The following GDPD4 variants were observed in gnomAD, a reference collection of about 807,000 sequenced individuals.
GDPD4 encodes the protein glycerophosphodiester phosphodiesterase 6.
In GDPD4, 60 loss-of-function variants were observed where a neutral mutation model predicts 67.8. The observed-to-expected ratio is 0.88, with a 90% CI of 0.72 to 1.10. The LOEUF (loss-of-function observed/expected upper bound fraction) is 1.10, where lower values mean the gene tolerates loss of function less well. Among genes scored for constraint, GDPD4 ranks in the 50% least tolerant of loss-of-function variants. GDPD4 has a pLI of 0.00. For missense variants in GDPD4, 623 were observed against 613.9 expected, an observed-to-expected ratio of 1.01 and a Z score of -0.16; for synonymous variants, 212 against 210.9, an observed-to-expected ratio of 1.00 and a Z score of -0.04.
chr11:77,288,876 AT>A (rs1175568407), intron 1 of GDPD4, among the ~76,000 whole-genome samples: 1 of 152,238 alleles, frequency 6.6e-6, no homozygotes, highest in East Asian at 1.9e-4. Context: ...ACTCAATGAG[AT>A]ACAAGAGAAC....
At chr11:77,283,525 A>G (rs1460178992) in intron 3 of GDPD4, among the ~76,000 whole-genome samples, 1 of 152,058 alleles carries the variant, frequency 6.6e-6, no homozygotes, top group African/African-American at 2.4e-5. Flanking sequence ...ATATAAATAA[A>G]TAAATTATAC....
chr11:77,300,135 T>C (rs547290047), intron 1 of GDPD4, among the ~76,000 whole-genome samples: 1 of 145,140 alleles, frequency 6.9e-6, no homozygotes, highest in African/African-American at 2.9e-5. Flanking sequence ...TCATTCTGAT[T>C]ACCAGCTCTG....
In GDPD4 at chr11:77,235,011, T is replaced by TTTTTG. The variant is rs1211586618; in HGVS notation, c.1242-1840_1242-1839insCAAAA. Among the ~76,000 whole-genome samples, 87 of 38,160 alleles carry TTTTTG rather than the reference T, an allele frequency of 2.3e-3. 1 individual carries two copies. Among genetic ancestry groups the TTTTTG allele is most frequent in the African/African-American group, 0.011 (78 of 7,280 alleles). 25.0% of individuals were successfully genotyped at this position (38,160 alleles called of 152,430 possible). On this transcript the variant is annotated intron_variant, in intron 13 of 16. Coordinates refer to ENST00000315938, the MANE Select transcript of GDPD4 (RefSeq NM_182833.3). ...TCTCTGCAACCTTGTCAATATCTGT[T>TTTTTG]TTTTTTTTTTTTTTTTTTTTTTTTT...
At chr11:77,270,470 C>T (rs1377641652) in intron 7 of GDPD4, among the ~76,000 whole-genome samples, 1 of 152,206 alleles carries the variant, frequency 6.6e-6, no homozygotes, top group East Asian at 1.9e-4. Context: ...GTAATCCCAG[C>T]ACTTTGGGAG....
intron 13 of GDPD4, among the ~76,000 whole-genome samples, chr11:77,234,944 A>G (rs1263927658): frequency 6.6e-6 from 1 of 150,598 alleles, no homozygotes. Flanking sequence ...CAGGGGCTGA[A>G]CTAATTTACA....
chr11:77,284,500 C>T (rs1171639970), intron 3 of GDPD4, among the ~76,000 whole-genome samples: 3 of 152,104 alleles, frequency 2.0e-5, no homozygotes, highest in South Asian at 2.1e-4. Flanking sequence ...GCCCCATATC[C>T]GAACAGATCC....
chr11:77,218,184 A>ATAAC (rs1958161406), intron 16 of GDPD4, among the ~76,000 whole-genome samples: 1 of 151,630 alleles, frequency 6.6e-6, no homozygotes, highest in African/African-American at 2.4e-5. Context: ...CAATATCTTT[A>ATAAC]TAACTTTTCT....
At chr11:77,238,632 A>G in intron 13 of GDPD4, among the ~76,000 whole-genome samples, 2 of 152,156 alleles carry the variant, frequency 1.3e-5, no homozygotes, top group Middle Eastern at 3.4e-3. Flanking sequence ...CCTCAATACA[A>G]TTTTTTATTT....
rs1958152383 is a variant in GDPD4 at position 77,217,772 on chromosome 11, G to GTAGA, written c.1526-462_1526-459dup. Among the ~76,000 whole-genome samples, 8 of 152,262 alleles carry GTAGA rather than the reference G, an allele frequency of 5.3e-5. No homozygotes were observed. In the South Asian group the frequency reaches 1.7e-3, roughly 32 times the overall value. On this transcript the variant is annotated intron_variant, in intron 16 of 16. Transcript: ENST00000315938. ...GTCCAACAGAAAAAAAAATTAGATG[G>GTAGA]TAGATACTTCTAATAATGGAGCTAG...
chr11:77,267,756 C>G lies in GDPD4; in HGVS notation c.707+701G>C, dbSNP rs77349724. Among the ~76,000 whole-genome samples, 451 of 152,272 alleles carry G rather than the reference C, an allele frequency of 3.0e-3. 4 individuals are homozygous for G. Among genetic ancestry groups the G allele is most frequent in the Middle Eastern group, 6.8e-3 (2 of 294 alleles). On this transcript the variant is annotated intron_variant, in intron 10 of 16. Coordinates refer to ENST00000315938, the MANE Select transcript of GDPD4 (RefSeq NM_182833.3). ...TGTTTTACAAATATTGTCTCCCAGT[C>G]TGACACTTGTCTTTTCATTCTCCTC...
rs193070554 is a variant in GDPD4 at position 77,248,242 on chromosome 11, G to A, written c.865-2740C>T. Among the ~76,000 whole-genome samples the A allele has an allele frequency of 1.2e-3, 172 of 144,254 alleles. 2 individuals carry two copies. Among genetic ancestry groups the A allele is most frequent in the Middle Eastern group, 7.5e-3 (2 of 268 alleles). 94.6% of individuals were successfully genotyped at this position (144,254 alleles called of 152,430 possible). On this transcript the variant is annotated intron_variant, in intron 11 of 16. Coordinates refer to ENST00000315938, the MANE Select transcript of GDPD4 (RefSeq NM_182833.3). Reference sequence around the variant, plus strand: ...TTTTGAGACGGAGTCCTGTTCTGTCGCCCAGGCTGGAGTGCAGTGGTGCAA... The same window carrying A: ...TTTTGAGACGGAGTCCTGTTCTGTCACCCAGGCTGGAGTGCAGTGGTGCAA...
At chr11:77,282,109 T>A (rs1302680746) in intron 3 of GDPD4, among the ~76,000 whole-genome samples, 1 of 152,148 alleles carries the variant, frequency 6.6e-6, no homozygotes, top group African/African-American at 2.4e-5. Context: ...TCAGAAGTTA[T>A]AAGTGTCTGA....
At chr11:77,228,025 T>C (rs567624295) in intron 15 of GDPD4, 109 bp from the exon 16 acceptor site, 346 of 791,004 alleles carry the variant, frequency 4.4e-4, no homozygotes, top group Non-Finnish European at 6.2e-4. Context: ...AAACTTACAA[T>C]CCTATAGCAT....
intron 1 of GDPD4, among the ~76,000 whole-genome samples, chr11:77,295,558 G>A (rs1288986604): frequency 1.3e-5 from 2 of 152,046 alleles, no homozygotes; most frequent in Non-Finnish European, 2.9e-5. Flanking sequence ...CTTGAGCTGG[G>A]AGGTTGAGGC....
intron 16 of GDPD4, among the ~76,000 whole-genome samples, chr11:77,223,449 A>G (rs1958266156): frequency 6.6e-6 from 1 of 152,106 alleles, no homozygotes; most frequent in Non-Finnish European, 1.5e-5. Flanking sequence ...CAGGTCCCTC[A>G]GCTGCAGGTC....
At chr11:77,282,672 G>A (rs1362065177) in intron 3 of GDPD4, among the ~76,000 whole-genome samples, 1 of 151,540 alleles carries the variant, frequency 6.6e-6, no homozygotes, top group Non-Finnish European at 1.5e-5. Flanking sequence ...GGGCAACAGA[G>A]TGAGACCCTG....
At chr11:77,252,005 T>C (rs1958908412) in intron 11 of GDPD4, among the ~76,000 whole-genome samples, 1 of 152,042 alleles carries the variant, frequency 6.6e-6, no homozygotes, top group Admixed American at 6.5e-5. Flanking sequence ...ATTTTGGTAC[T>C]TGAATTATTC....
chr11:77,225,707 C>G (rs1457240490), intron 16 of GDPD4, among the ~76,000 whole-genome samples: 3 of 152,130 alleles, frequency 2.0e-5, no homozygotes, highest in African/African-American at 4.8e-5. Context: ...CTGAAAAATA[C>G]CCCCTCACAC....
At chr11:77,277,163 G>C (rs79404629) in intron 4 of GDPD4, among the ~76,000 whole-genome samples, 1,710 of 151,470 alleles carry the variant, frequency 0.011, 71 homozygotes, top group East Asian at 0.08. Context: ...GCATAAAAGT[G>C]GTACAATTCA....
Sources: gnomAD v4.1 joint callset for allele counts (sites outside exome capture counted in the v4.1 genomes callset) on GRCh38, gnomAD v4.1.1 for gene constraint, MANE v1.5 for transcripts, NCBI Gene and HGNC (gene_info 2026-07-23, HGNC 2026-07-21) for gene names.